GRIA4: variants seen among roughly 807,000 people sequenced by gnomAD.
GRIA4 encodes the protein glutamate receptor 4.
In GRIA4, 34 loss-of-function variants were observed where a neutral mutation model predicts 104.0. The ratio of observed to expected loss-of-function variants is 0.33; its 90% CI spans 0.25 to 0.44. The LOEUF is 0.44. GRIA4 is among the 20% of genes least tolerant of loss of function. The pLI is 1.00. For synonymous variants in GRIA4, 386 were observed against 381.9 expected (o/e 1.01, Z -0.13); for missense variants, 750 against 1,096.5 (o/e 0.68, Z 4.46).
chr11:105,917,170 G>A (rs1591442961), intron 10 of GRIA4, among the ~76,000 whole-genome samples: 1 of 152,116 alleles, frequency 6.6e-6, no homozygotes, highest in African/African-American at 2.4e-5. Context: ...GCAATTGGAT[G>A]CCTTACTTTT....
At chr11:105,674,874 T>C (rs1952486135) in intron 3 of GRIA4, among the ~76,000 whole-genome samples, 1 of 151,898 alleles carries the variant, frequency 6.6e-6, no homozygotes, top group Non-Finnish European at 1.5e-5. Flanking sequence ...AGTTGTCAAA[T>C]CAAAACCTTA....
At chr11:105,846,075 A>G (rs750827453) in intron 4 of GRIA4, among the ~76,000 whole-genome samples, 5 of 152,212 alleles carry the variant, frequency 3.3e-5, no homozygotes, top group Non-Finnish European at 5.9e-5. Context: ...AAAATAACTG[A>G]TCAATAAATA....
At chr11:105,623,971 C>G (rs1050939916) in intron 3 of GRIA4, among the ~76,000 whole-genome samples, 12 of 152,002 alleles carry the variant, frequency 7.9e-5, no homozygotes, top group African/African-American at 2.4e-4. Flanking sequence ...GGTGAGTTTT[C>G]TCTTCATTCA....
At chr11:105,615,002 C>T (rs1036039233) in intron 3 of GRIA4, among the ~76,000 whole-genome samples, 4 of 151,766 alleles carry the variant, frequency 2.6e-5, no homozygotes, top group Non-Finnish European at 5.9e-5. Context: ...CACCATGATA[C>T]GGACTGGATT....
At chr11:105,964,868 A>G (rs604545) in intron 14 of GRIA4, among the ~76,000 whole-genome samples, 97,287 of 150,506 alleles carry the variant, frequency 0.65, 31,526 homozygotes, top group Middle Eastern at 0.72. Flanking sequence ...GTGCAATGGC[A>G]CAATCTTGGC....
intron 3 of GRIA4, among the ~76,000 whole-genome samples, chr11:105,709,077 T>C (rs1182343125): frequency 6.6e-6 from 1 of 151,980 alleles, no homozygotes; most frequent in East Asian, 1.9e-4. Flanking sequence ...AAATATAAGA[T>C]GATAAAGGAC....
intron 3 of GRIA4, among the ~76,000 whole-genome samples, chr11:105,640,244 A>C (rs911410515): frequency 6.6e-6 from 1 of 151,926 alleles, no homozygotes; most frequent in Non-Finnish European, 1.5e-5. Context: ...CCAAAAATGC[A>C]AAACAAGAAA....
At position 105,926,593 on chromosome 11, in the gene GRIA4, CA is replaced by C. The variant is rs750715220; in HGVS notation, c.1848-147del. ...GAAGACATCAGATTATACAGAAATT[CA>C]GAATCATTCTTGAGCAGACTCTCAG... On this transcript the variant is annotated intron_variant, in intron 12 of 16. Transcript: ENST00000282499. 3.5e-4 allele frequency: 216 copies of C among 617,508 alleles called. 1 individual carries two copies. Among genetic ancestry groups the C allele is most frequent in the Middle Eastern group, 2.6e-3 (6 of 2,294 alleles). The allele number at this position is 617,508 out of a possible 1,614,324, so 38.3% of individuals were successfully genotyped here.
At chr11:105,785,475 G>A (rs970267375) in intron 4 of GRIA4, among the ~76,000 whole-genome samples, 1 of 152,136 alleles carries the variant, frequency 6.6e-6, no homozygotes, top group Non-Finnish European at 1.5e-5. Context: ...TTAGATGATT[G>A]CTATAAAGTA....
chr11:105,895,877 A>G (rs1009741557), intron 6 of GRIA4, among the ~76,000 whole-genome samples: 4 of 152,196 alleles, frequency 2.6e-5, no homozygotes, highest in African/African-American at 7.2e-5. Flanking sequence ...TACTGCTGCA[A>G]TAAACATATG....
At chr11:105,779,635 T>TA (rs879913123) in intron 4 of GRIA4, among the ~76,000 whole-genome samples, 180 of 134,996 alleles carry the variant, frequency 1.3e-3, no homozygotes, top group Middle Eastern at 3.8e-3. Context: ...AAAAGTATAA[T>TA]AAAAAAAAAA....
chr11:105,756,402 T>C (rs181136597), intron 4 of GRIA4, among the ~76,000 whole-genome samples: 2 of 152,260 alleles, frequency 1.3e-5, no homozygotes, highest in Middle Eastern at 3.4e-3. Context: ...TGATTCCTAA[T>C]TACCGCATTC....
chr11:105,646,122 G>C (rs1302148662), intron 3 of GRIA4, among the ~76,000 whole-genome samples: 1 of 152,192 alleles, frequency 6.6e-6, no homozygotes, highest in Non-Finnish European at 1.5e-5. Flanking sequence ...CAAGCAATGT[G>C]CTTACTTAGA....
intron 4 of GRIA4, among the ~76,000 whole-genome samples, chr11:105,852,685 ATTAC>A (rs967507718): frequency 1.3e-5 from 2 of 152,188 alleles, no homozygotes; most frequent in African/African-American, 4.8e-5. Context: ...TGAGTTTACA[ATTAC>A]TTCCTAGAAC....
chr11:105,767,350 C>T (rs535980106), intron 4 of GRIA4, among the ~76,000 whole-genome samples: 16 of 151,934 alleles, frequency 1.1e-4, no homozygotes, highest in Non-Finnish European at 1.0e-4. Flanking sequence ...AAGGAAAATA[C>T]GTATGTTTTA....
intron 3 of GRIA4, among the ~76,000 whole-genome samples, chr11:105,703,199 C>T (rs932640868): frequency 1.3e-5 from 2 of 152,082 alleles, no homozygotes; most frequent in Admixed American, 6.6e-5. Context: ...GATAATAAAA[C>T]AAAAACGAGT....
At chr11:105,885,540 T>G (rs1946224299) in intron 5 of GRIA4, among the ~76,000 whole-genome samples, 1 of 152,204 alleles carries the variant, frequency 6.6e-6, no homozygotes, top group Admixed American at 6.5e-5. Context: ...ATTGCCAGAT[T>G]GGGTAGGCTG....
chr11:105,796,120 T>A (rs774442775), intron 4 of GRIA4, among the ~76,000 whole-genome samples: 2 of 152,146 alleles, frequency 1.3e-5, no homozygotes, highest in Non-Finnish European at 2.9e-5. Flanking sequence ...CAATTTTATC[T>A]TCAGCCAAAC....
intron 3 of GRIA4, among the ~76,000 whole-genome samples, chr11:105,656,437 C>T (rs915585321): frequency 6.6e-5 from 10 of 152,028 alleles, no homozygotes; most frequent in Admixed American, 1.3e-4. Flanking sequence ...AAAACCTAAG[C>T]AATACCATTC....
Sources: allele counts gnomAD v4.1 joint callset (sites outside exome capture counted in the v4.1 genomes callset), GRCh38; gene constraint gnomAD v4.1.1; transcripts MANE v1.5; gene names NCBI Gene and HGNC (gene_info 2026-07-23, HGNC 2026-07-21).